The following IL15 variants were observed in gnomAD, a reference collection of about 807,000 sequenced individuals.
IL15 encodes the protein interleukin-15.
IL15 carries 11 observed loss-of-function variants against 19.6 expected under a neutral mutation model. The ratio of observed to expected loss-of-function variants is 0.56; its 90% CI spans 0.35 to 0.93. IL15 has a LOEUF of 0.93. IL15 is among the 40% of genes least tolerant of loss of function. IL15 has a pLI of 0.01. For synonymous variants in IL15, 58 were observed against 59.6 expected, an observed-to-expected ratio of 0.97 and a Z score of 0.12; for missense variants, 197 against 186.5, an observed-to-expected ratio of 1.06 and a Z score of -0.33.
At chr4:141,725,057 C>A (rs1730213841) in intron 5 of IL15, among the ~76,000 whole-genome samples, 1 of 152,072 alleles carries the variant, frequency 6.6e-6, no homozygotes, top group African/African-American at 2.4e-5. Flanking sequence ...AAAATATTAA[C>A]AAATCAAATT....
At chr4:141,694,307 T>C (rs1045952902) in intron 2 of IL15, among the ~76,000 whole-genome samples, 2 of 152,200 alleles carry the variant, frequency 1.3e-5, no homozygotes, top group East Asian at 1.9e-4. Flanking sequence ...CTATTAAATG[T>C]AATAAAATAG....
At chr4:141,696,515 G>C (rs2152179741) in intron 2 of IL15, among the ~76,000 whole-genome samples, 1 of 152,128 alleles carries the variant, frequency 6.6e-6, no homozygotes, top group South Asian at 2.1e-4. Context: ...GGTTGCTTTG[G>C]ATAGTATGGT....
intron 2 of IL15, among the ~76,000 whole-genome samples, chr4:141,694,149 T>C (rs1729014762): frequency 6.6e-6 from 1 of 152,168 alleles, no homozygotes. Flanking sequence ...TGGACACAGA[T>C]ACAAGGAGAT....
At chr4:141,684,595 C>G (rs1225715935) in intron 2 of IL15, among the ~76,000 whole-genome samples, 1 of 152,108 alleles carries the variant, frequency 6.6e-6, no homozygotes, top group Non-Finnish European at 1.5e-5. Flanking sequence ...TTCAGTGGCA[C>G]CTCTTAGGTT....
intron 2 of IL15, among the ~76,000 whole-genome samples, chr4:141,711,355 G>A (rs1428170986): frequency 6.6e-6 from 1 of 152,108 alleles, no homozygotes; most frequent in African/African-American, 2.4e-5. Context: ...AAGATGAAAT[G>A]TGGGGTAAAA....
intron 1 of IL15, among the ~76,000 whole-genome samples, chr4:141,648,944 G>T (rs1727316976): frequency 1.3e-5 from 2 of 152,106 alleles, no homozygotes; most frequent in African/African-American, 2.4e-5. Context: ...CCTGCCAAGT[G>T]CTGTGAAGGA....
intron 2 of IL15, among the ~76,000 whole-genome samples, chr4:141,671,543 G>C (rs1348005023): frequency 6.6e-6 from 1 of 152,066 alleles, no homozygotes. Context: ...CCCTGGTCTT[G>C]TTTGGGCTCA....
At chr4:141,722,460 G>A (rs1351594746) in intron 5 of IL15, among the ~76,000 whole-genome samples, 3 of 152,090 alleles carry the variant, frequency 2.0e-5, no homozygotes, top group African/African-American at 7.2e-5. Context: ...TACCAAAATA[G>A]CACCACAAAG....
At chr4:141,690,231 G>T (rs1385441035) in intron 2 of IL15, among the ~76,000 whole-genome samples, 1 of 152,124 alleles carries the variant, frequency 6.6e-6, no homozygotes, top group African/African-American at 2.4e-5. Context: ...GTTCCCGCTC[G>T]CACCTCTCCC....
chr4:141,702,314 C>T (rs73851506), intron 2 of IL15, among the ~76,000 whole-genome samples: 3,936 of 152,262 alleles, frequency 0.026, 175 homozygotes, highest in African/African-American at 0.089. Context: ...GCAGTGATTA[C>T]TATTGATCTT....
chr4:141,659,230 T>G (rs1181884911), intron 2 of IL15, among the ~76,000 whole-genome samples: 1 of 148,184 alleles, frequency 6.7e-6, no homozygotes, highest in Non-Finnish European at 1.5e-5. Flanking sequence ...GGAGACGGAG[T>G]CTTGCTTGTT....
chr4:141,647,655 C>T (rs1386153612), intron 1 of IL15, among the ~76,000 whole-genome samples: 1 of 152,034 alleles, frequency 6.6e-6, no homozygotes, highest in East Asian at 1.9e-4. Context: ...TTTACACCTC[C>T]TAGACCTTGC....
intron 5 of IL15, 54 bp from the exon 6 acceptor site, chr4:141,727,886 A>G (rs1357584461): frequency 3.3e-5 from 26 of 780,404 alleles, no homozygotes; most frequent in Non-Finnish European, 5.0e-5. Context: ...TTGTTCTCAT[A>G]ATATTTAAAG....
rs991200978 is a variant in IL15, at chr4:141,656,179, C to T, written c.-221-7C>T. On this transcript the variant is annotated splice_region_variant and splice_polypyrimidine_tract_variant and intron_variant, in intron 1 of 7. Transcript: ENST00000320650. Reference sequence around the variant, plus strand: ...AATCCTCTTATCCGTACCTTTGACTCTTACAGAATCCATTCCAATATATGG... The same window carrying T: ...AATCCTCTTATCCGTACCTTTGACTTTTACAGAATCCATTCCAATATATGG... The T allele has an allele frequency of 6.1e-4, 241 of 398,334 alleles. No individual in the cohort carries two copies. Among genetic ancestry groups the T allele is most frequent in the African/African-American group, 4.4e-3 (216 of 48,712 alleles). 24.7% of individuals were successfully genotyped at this position (398,334 alleles called of 1,614,324 possible).
At chr4:141,670,041 T>G (rs1445122712) in intron 2 of IL15, among the ~76,000 whole-genome samples, 1 of 151,476 alleles carries the variant, frequency 6.6e-6, no homozygotes, top group Non-Finnish European at 1.5e-5. Context: ...AGATTTTACC[T>G]TATTTTTTCT....
At chr4:141,685,796 C>T (rs1435664163) in intron 2 of IL15, among the ~76,000 whole-genome samples, 1 of 152,192 alleles carries the variant, frequency 6.6e-6, no homozygotes, top group African/African-American at 2.4e-5. Context: ...TACCATTAAT[C>T]ACAATCTTCC....
chr4:141,711,046 T>A (rs1729702251), intron 2 of IL15, among the ~76,000 whole-genome samples: 1 of 152,144 alleles, frequency 6.6e-6, no homozygotes, highest in South Asian at 2.1e-4. Context: ...ATGAGATAAT[T>A]TTTTATAATT....
intron 1 of IL15, among the ~76,000 whole-genome samples, chr4:141,647,231 T>A (rs967524823): frequency 6.6e-6 from 1 of 151,988 alleles, no homozygotes; most frequent in African/African-American, 2.4e-5. Flanking sequence ...TGCCGAAGAT[T>A]TTAACCATGA....
intron 2 of IL15, among the ~76,000 whole-genome samples, chr4:141,711,534 AT>A (rs1254127262): frequency 6.6e-6 from 1 of 152,112 alleles, no homozygotes; most frequent in Admixed American, 6.6e-5. Context: ...TGTGCTTTTT[AT>A]ATGCTTAGCA....
Sources: allele counts gnomAD v4.1 joint callset (sites outside exome capture counted in the v4.1 genomes callset), GRCh38; gene constraint gnomAD v4.1.1; transcripts MANE v1.5; gene names NCBI Gene and HGNC (gene_info 2026-07-23, HGNC 2026-07-21).